CHRFAM7A: variants seen among roughly 807,000 people sequenced by gnomAD.
The protein encoded by CHRFAM7A is CHRNA7 (exons 5-10) and FAM7A (exons A-E) fusion.
A neutral mutation model predicts 29.2 loss-of-function variants in CHRFAM7A; 3 were observed. That is an observed-to-expected ratio of 0.10 (90% CI 0.05 to 0.27). The LOEUF is 0.27. Ranked by LOEUF, CHRFAM7A falls within the 10% of genes least tolerant of loss-of-function variation. The pLI is 1.00. For missense variants in CHRFAM7A, 22 were observed against 328.0 expected (o/e 0.07, Z 7.21); for synonymous variants, 7 against 135.4 (o/e 0.05, Z 6.58).
chr15:30,379,226 G>C (rs1456600521), intron 4 of CHRFAM7A, among the ~76,000 whole-genome samples: 1 of 39,072 alleles, frequency 2.6e-5, no homozygotes, highest in Non-Finnish European at 6.4e-5. Context: ...ACGAGGTCAG[G>C]AGATCGAGAC....
At chr15:30,388,952 G>T in intron 1 of CHRFAM7A, among the ~76,000 whole-genome samples, 1 of 91,860 alleles carries the variant, frequency 1.1e-5, no homozygotes, top group Non-Finnish European at 2.2e-5. Flanking sequence ...TATATGTTTT[G>T]TAATAGAATA....
rs1348133854 is a variant in CHRFAM7A at position 30,361,743 on chromosome 15, TTCTC to T, written c.*546_*549del. 3.6e-5 allele frequency: 4 copies of T among 111,744 alleles called. 1 individual carries two copies. The highest frequency in any genetic ancestry group is 5.8e-5 in the Non-Finnish European group (3 of 51,526). The allele number at this position is 111,744 out of a possible 1,614,324, so 6.9% of individuals were successfully genotyped here. A position where few individuals can be genotyped will look rare whatever the true frequency, so the allele number is the denominator to read the frequency against. ...TGATGTAGAAACAGCATCAAGCTGTTTCTCTCTACCGTCTTTGATAGAAATAAAA... is the reference window on the plus strand; with the variant it reads ...TGATGTAGAAACAGCATCAAGCTGTTTCTACCGTCTTTGATAGAAATAAAA... On this transcript the variant is annotated 3_prime_UTR_variant, in exon 10 of 10. Transcript: ENST00000299847.
intron 5 of CHRFAM7A, among the ~76,000 whole-genome samples, chr15:30,373,532 G>GTT (rs1275099196): frequency 1.5e-5 from 2 of 132,776 alleles, no homozygotes; most frequent in Non-Finnish European, 3.3e-5. Flanking sequence ...AGGTGTGTGT[G>GTT]TGTGTGTGTG....
chr15:30,376,175 G>C (rs1345931350), intron 5 of CHRFAM7A, among the ~76,000 whole-genome samples: 1 of 134,262 alleles, frequency 7.4e-6, no homozygotes, highest in East Asian at 2.3e-4. Context: ...GGTGAGTGGT[G>C]TGTGGTATGT....
rs1304012912 is a variant in CHRFAM7A, at chr15:30,367,260, TG to T, written c.720+157del. Among the ~76,000 whole-genome samples, 15 of 151,332 alleles carry T rather than the reference TG, an allele frequency of 9.9e-5. No individual in the cohort carries two copies. In the South Asian group the frequency reaches 3.1e-3, roughly 32 times the overall value. On this transcript the variant is annotated intron_variant, in intron 9 of 9. Coordinates refer to ENST00000299847, the MANE Select transcript of CHRFAM7A (RefSeq NM_139320.2). ...AAGATTACACCACTGCACTCCAGCC[TG>T]GGTGACATAGTGAGACTCCGTCTCA...
At chr15:30,375,934 CGTGTGGGTGGT>C (rs2058927196) in intron 5 of CHRFAM7A, among the ~76,000 whole-genome samples, 10 of 12,064 alleles carry the variant, frequency 8.3e-4, no homozygotes, top group South Asian at 2.2e-3. Flanking sequence ...TGTGTTGAGT[CGTGTGGGTGGT>C]ATGTGAGTGG....
intron 6 of CHRFAM7A, 45 bp downstream of exon 6, chr15:30,372,933 A>G (rs2058878398): frequency 6.3e-7 from 1 of 1,598,158 alleles, no homozygotes; most frequent in East Asian, 2.2e-5. Context: ...AAGCTTGCCC[A>G]GGAATAGGAA....
chr15:30,367,334 T>A, intron 9 of CHRFAM7A, 84 bp downstream of exon 9: 1 of 1,509,376 alleles, frequency 6.6e-7, no homozygotes, highest in South Asian at 1.2e-5. Flanking sequence ...AATGCCCGTT[T>A]TTTGTGTGAT....
In CHRFAM7A at chr15:30,367,263, G is replaced by C. The variant is rs549344587; in HGVS notation, c.720+155C>G. Among the ~76,000 whole-genome samples, 69 of 151,324 alleles carry C rather than the reference G, an allele frequency of 4.6e-4. 4 individuals are homozygous for C. Among genetic ancestry groups the C allele is most frequent in the African/African-American group, 1.6e-3 (65 of 41,206 alleles). ...ATTACACCACTGCACTCCAGCCTGG[G>C]TGACATAGTGAGACTCCGTCTCAAA... On this transcript the variant is annotated intron_variant, in intron 9 of 9. Coordinates refer to ENST00000299847, the MANE Select transcript of CHRFAM7A (RefSeq NM_139320.2).
At chr15:30,393,854 ACT>A (rs2059013282), upstream of CHRFAM7A, 3 of 57,432 alleles carry the variant, frequency 5.2e-5, no homozygotes, top group African/African-American at 1.2e-4. Context: ...ACAACCACCA[ACT>A]CTGTGTGTGT....
chr15:30,366,714 C>T (rs2058786026), intron 9 of CHRFAM7A, among the ~76,000 whole-genome samples: 2 of 151,416 alleles, frequency 1.3e-5, no homozygotes, highest in African/African-American at 2.4e-5. Flanking sequence ...TTACTCTTTG[C>T]TCCTCATTCT....
chr15:30,376,019 GTGAT>G (rs1344263616), intron 5 of CHRFAM7A, among the ~76,000 whole-genome samples: 3 of 152,004 alleles, frequency 2.0e-5, no homozygotes, highest in African/African-American at 2.4e-5. Flanking sequence ...AGTGGTGTGT[GTGAT>G]TGTGAGTGGT....
At position 30,371,794 on chromosome 15, in the gene CHRFAM7A, C is replaced by G. The variant is rs1003305657; in HGVS notation, c.523+353G>C. ...TGTAACATACAAATGCAAGCTGATACTAAGCTAAATTGTTCCCTCGATGAC... is the reference window on the plus strand; with the variant it reads ...TGTAACATACAAATGCAAGCTGATAGTAAGCTAAATTGTTCCCTCGATGAC... On this transcript the variant is annotated intron_variant, in intron 7 of 9. Coordinates refer to ENST00000299847, the MANE Select transcript of CHRFAM7A (RefSeq NM_139320.2). Among the ~76,000 whole-genome samples the G allele has an allele frequency of 4.2e-5, 6 of 142,918 alleles. 1 individual carries two copies. The highest frequency in any genetic ancestry group is 1.6e-4 in the African/African-American group (6 of 37,792). 93.8% of individuals were successfully genotyped at this position (142,918 alleles called of 152,430 possible). A position where few individuals can be genotyped will look rare whatever the true frequency, so the allele number is the denominator to read the frequency against.
intron 8 of CHRFAM7A, among the ~76,000 whole-genome samples, 183 bp from the exon 9 acceptor site, chr15:30,367,710 G>A (rs1457886281): frequency 4.3e-5 from 6 of 140,586 alleles, no homozygotes; most frequent in Non-Finnish European, 7.7e-5. Flanking sequence ...CTGACTTCCC[G>A]CCCACGGAGT....
intron 5 of CHRFAM7A, among the ~76,000 whole-genome samples, chr15:30,375,860 T>C (rs1480635557): frequency 4.3e-5 from 4 of 93,856 alleles, no homozygotes; most frequent in East Asian, 2.5e-4. Flanking sequence ...ATGTGAGTGG[T>C]TGTGTGAGTG....
At chr15:30,377,715 C>A (rs1432731727) in intron 4 of CHRFAM7A, among the ~76,000 whole-genome samples, 3 of 143,562 alleles carry the variant, frequency 2.1e-5, no homozygotes, top group Non-Finnish European at 4.6e-5. Flanking sequence ...GCTGGGACTA[C>A]AGGTGCACAC....
At position 30,362,992 on chromosome 15, in the gene CHRFAM7A, G is replaced by A. The variant is rs1337031503; in HGVS notation, c.721-181C>T. ...CGTATGACAAGCAGTCGAGTTCAAC[G>A]TGAGGCAAGACTAAAACTGATGCAC... is the stretch of plus-strand genomic sequence containing the variant. On this transcript the variant is annotated intron_variant, in intron 9 of 9. Transcript: ENST00000299847. Among the ~76,000 whole-genome samples, 7 of 151,328 alleles carry A rather than the reference G, an allele frequency of 4.6e-5. No individual in the cohort carries two copies. The East Asian group carries it at 5.8e-4, about 12-fold the overall frequency.
chr15:30,375,654 G>GGT (rs1300887562), intron 5 of CHRFAM7A, among the ~76,000 whole-genome samples: 1 of 148,802 alleles, frequency 6.7e-6, no homozygotes, highest in East Asian at 2.0e-4. Context: ...GTGTGTAAGT[G>GGT]GTGTGTGTGA....
chr15:30,362,619 CG>C lies in CHRFAM7A; in HGVS notation c.912del (p.Val305CysfsTer11). 1 of 479,952 alleles carries C rather than the reference CG, an allele frequency of 2.1e-6. No individual in the cohort carries two copies. The highest frequency in any genetic ancestry group is 3.4e-6 in the Non-Finnish European group (1 of 294,198). The allele number at this position is 479,952 out of a possible 1,614,324, so 29.7% of individuals were successfully genotyped here. The stretch of plus-strand genomic sequence containing the variant: ...GAGTCGGGGGTCGGGACACAGTGCA[CG>C]CCGTCCAGGCCGCGGAAGCCGATGT... Reference protein sequence around the residue: ...LLYIGFRGLDGVHCVPTPDSG... With the variant: ...LLYIGFRGLDXVHCVPTPDSG... On this transcript the variant is annotated frameshift_variant, in exon 10 of 10. Coordinates refer to ENST00000299847, the MANE Select transcript of CHRFAM7A (RefSeq NM_139320.2). LOFTEE classifies it high-confidence loss of function.
Sources: gnomAD v4.1 joint callset for allele counts (sites outside exome capture counted in the v4.1 genomes callset) on GRCh38, gnomAD v4.1.1 for gene constraint, MANE v1.5 for transcripts, NCBI Gene and HGNC (gene_info 2026-07-23, HGNC 2026-07-21) for gene names.